PARP11: variants seen among roughly 807,000 people sequenced by gnomAD.
The protein encoded by PARP11 is protein mono-ADP-ribosyltransferase PARP11.
A neutral mutation model predicts 42.9 loss-of-function variants in PARP11; 31 were observed. The ratio of observed to expected loss-of-function variants is 0.72; its 90% confidence interval spans 0.54 to 0.98. PARP11 has a LOEUF of 0.98. Among genes scored for constraint, PARP11 ranks in the 50% least tolerant of loss-of-function variants. The pLI, the probability that PARP11 is intolerant of heterozygous loss-of-function variation, is 0.00. For missense variants in PARP11, 365 were observed against 413.1 expected (o/e 0.88, Z 1.01); for synonymous variants, 137 against 127.3 (o/e 1.08, Z -0.51).
intron 1 of PARP11, among the ~76,000 whole-genome samples, chr12:3,830,368 C>T (rs1436538927): frequency 6.6e-6 from 1 of 152,142 alleles, no homozygotes; most frequent in African/African-American, 2.4e-5. Context: ...CAAAAGGACC[C>T]ATGCTATCAC....
chr12:3,865,890 T>C (rs1256987312), intron 1 of PARP11, among the ~76,000 whole-genome samples: 3 of 63,762 alleles, frequency 4.7e-5, no homozygotes, highest in Non-Finnish European at 8.0e-5. Context: ...TGTTATTTGC[T>C]TTTTTTTTTT....
chr12:3,858,406 T>C (rs1291314805), intron 1 of PARP11, among the ~76,000 whole-genome samples: 1 of 152,210 alleles, frequency 6.6e-6, no homozygotes, highest in Non-Finnish European at 1.5e-5. Flanking sequence ...GCAGTGTGCA[T>C]TCATACCAAA....
chr12:3,846,776 AG>A lies in PARP11; in HGVS notation c.19-16759del, dbSNP rs1171659393. Among the ~76,000 whole-genome samples, 5 of 124,120 alleles carry A rather than the reference AG, an allele frequency of 4.0e-5. No individual in the cohort carries two copies. In the South Asian group the frequency reaches 1.7e-3, roughly 42 times the overall value. The allele number at this position is 124,120 out of a possible 152,430, so 81.4% of individuals were successfully genotyped here. ...CGTCTTAAAAAAAAAAAAAAAGAAA[AG>A]AAAAAAGAAATAGAAAACTTGAATA... On this transcript the variant is annotated intron_variant, in intron 1 of 7. Coordinates refer to ENST00000228820, the MANE Select transcript of PARP11 (RefSeq NM_020367.6).
rs997840456 is a variant in PARP11, at chr12:3,811,653, A to G, written c.*470T>C. The G allele has an allele frequency of 5.2e-5, 8 of 152,986 alleles. No homozygotes were observed. The highest frequency in any genetic ancestry group is 1.9e-4 in the African/African-American group (8 of 41,482). 9.5% of individuals were successfully genotyped at this position (152,986 alleles called of 1,614,324 possible). On this transcript the variant is annotated 3_prime_UTR_variant, in exon 8 of 8. Transcript: ENST00000228820. ...TAAATCCCCCCTTCAGAAGACCAAC[A>G]AAGCAACAGATGGATTGGTGGATGA...
intron 1 of PARP11, 116 bp downstream of exon 1, chr12:3,873,096 C>G (rs2138149855): frequency 9.7e-7 from 1 of 1,032,324 alleles, no homozygotes; most frequent in Non-Finnish European, 1.5e-6. Flanking sequence ...ACTCCGGTCC[C>G]GGAACTCAAC....
intron 6 of PARP11, among the ~76,000 whole-genome samples, chr12:3,815,855 C>T (rs143457451): frequency 3.3e-5 from 5 of 152,238 alleles, no homozygotes; most frequent in East Asian, 1.9e-4. Flanking sequence ...GTAAAATATC[C>T]GTATCTCAGA....
At chr12:3,844,544 A>G (rs190256208) in intron 1 of PARP11, among the ~76,000 whole-genome samples, 4 of 152,308 alleles carry the variant, frequency 2.6e-5, no homozygotes, top group Admixed American at 2.6e-4. Context: ...TTGTTGCTGC[A>G]TTTTATTGAC....
At chr12:3,830,864 G>A (rs1364588467) in intron 1 of PARP11, among the ~76,000 whole-genome samples, 6 of 152,084 alleles carry the variant, frequency 3.9e-5, no homozygotes, top group African/African-American at 7.2e-5. Context: ...CTTAGCCGCC[G>A]TCATATACTG....
rs1388390759 is a variant in PARP11 at position 3,810,670 on chromosome 12, G to GGAAGGAAGGAAGGAAC, written c.*1452_*1453insGTTCCTTCCTTCCTTC. ...AAGAAGGAAGGAAGGAAGGAAGGAAGGAAGGAAGGAAGGAAAGAAAGAAGG... is the reference window on the plus strand; with the variant it reads ...AAGAAGGAAGGAAGGAAGGAAGGAAGGAAGGAAGGAAGGAACGAAGGAAGGAAGGAAAGAAAGAAGG... On this transcript the variant is annotated 3_prime_UTR_variant, in exon 8 of 8. Coordinates refer to ENST00000228820, the MANE Select transcript of PARP11 (RefSeq NM_020367.6). 1 of 136,220 alleles carries GGAAGGAAGGAAGGAAC rather than the reference G, an allele frequency of 7.3e-6. No homozygotes were observed. The highest frequency in any genetic ancestry group is 2.5e-4 in the East Asian group (1 of 4,080). The allele number at this position is 136,220 out of a possible 1,614,324, so 8.4% of individuals were successfully genotyped here. A position where few individuals can be genotyped will look rare whatever the true frequency, so the allele number is the denominator to read the frequency against.
Position 3,867,384 on chromosome 12 carries a change from A to C in PARP11, c.18+5828T>G, listed in dbSNP as rs574183753. Among the ~76,000 whole-genome samples, 7 of 152,348 alleles carry C rather than the reference A, an allele frequency of 4.6e-5. No individual in the cohort carries two copies. In the East Asian group the frequency reaches 9.6e-4, roughly 21 times the overall value. On this transcript the variant is annotated intron_variant, in intron 1 of 7. Transcript: ENST00000228820. ...AAGTTTGCTGGCTGTCAAGGAAAAA[A>C]GGTGCTGACAAGTTTCTGAAATGAG...
intron 1 of PARP11, among the ~76,000 whole-genome samples, chr12:3,839,212 G>A (rs1947835861): frequency 6.7e-6 from 1 of 149,816 alleles, no homozygotes; most frequent in South Asian, 2.1e-4. Flanking sequence ...AGCCCGAGCC[G>A]CCGCCTACCC....
At chr12:3,823,499 T>C (rs535528194) in intron 4 of PARP11, among the ~76,000 whole-genome samples, 41 of 150,088 alleles carry the variant, frequency 2.7e-4, no homozygotes, top group African/African-American at 9.7e-4. Flanking sequence ...GCCTGGCACA[T>C]AGTACACACT....
chr12:3,835,903 T>C (rs1321029558), intron 1 of PARP11, among the ~76,000 whole-genome samples: 1 of 151,982 alleles, frequency 6.6e-6, no homozygotes, highest in Admixed American at 6.6e-5. Context: ...AAATGTGGGA[T>C]ACCATTAAGT....
chr12:3,815,017 G>C (rs1215128649), intron 6 of PARP11: 2 of 456,494 alleles, frequency 4.4e-6, no homozygotes, highest in East Asian at 1.4e-4. Flanking sequence ...GAAAGAAGGA[G>C]AGTAGGACAG....
chr12:3,866,795 T>C lies in PARP11; in HGVS notation c.18+6417A>G, dbSNP rs534042734. Among the ~76,000 whole-genome samples, 9 of 152,344 alleles carry C rather than the reference T, an allele frequency of 5.9e-5. No individual in the cohort carries two copies. The South Asian group carries it at 1.5e-3, about 25-fold the overall frequency. ...GAGAAGCTAGTCAATTCAAATTTAA[T>C]GCCTGAGAAGAAACAAGCTATTGAC... On this transcript the variant is annotated intron_variant, in intron 1 of 7. Coordinates refer to ENST00000228820, the MANE Select transcript of PARP11 (RefSeq NM_020367.6).
At chr12:3,833,514 G>C (rs879884898) in intron 1 of PARP11, among the ~76,000 whole-genome samples, 9 of 152,180 alleles carry the variant, frequency 5.9e-5, no homozygotes, top group Admixed American at 3.3e-4. Flanking sequence ...TGAGATGGAA[G>C]GATTACTTGA....
intron 1 of PARP11, chr12:3,839,460 G>C: frequency 1.2e-6 from 2 of 1,611,844 alleles, no homozygotes; most frequent in South Asian, 1.1e-5. Context: ...TGGCGGAGCA[G>C]GTATTGCACT....
chr12:3,848,678 A>C (rs1948042920), intron 1 of PARP11, among the ~76,000 whole-genome samples: 1 of 152,194 alleles, frequency 6.6e-6, no homozygotes. Flanking sequence ...TAAAGACTTA[A>C]ATCTAAGATC....
rs529668927 is a variant in PARP11 at position 3,829,130 on chromosome 12, G to A, written c.148-100C>T. The stretch of plus-strand genomic sequence containing the variant: ...TCATAGAGACAGGGAATGGAGGGGC[G>A]AGGGAAACTTACTAATCACCTGTTC... On this transcript the variant is annotated intron_variant, in intron 2 of 7. Coordinates refer to ENST00000228820, the MANE Select transcript of PARP11 (RefSeq NM_020367.6). The A allele has an allele frequency of 1.5e-4, 195 of 1,263,342 alleles. 1 individual carries two copies. In the East Asian group the frequency reaches 4.5e-3, roughly 29 times the overall value. 78.3% of individuals were successfully genotyped at this position (1,263,342 alleles called of 1,614,324 possible). A position where few individuals can be genotyped will look rare whatever the true frequency, so the allele number is the denominator to read the frequency against.
Sources: allele counts gnomAD v4.1 joint callset (sites outside exome capture counted in the v4.1 genomes callset), GRCh38; gene constraint gnomAD v4.1.1; transcripts MANE v1.5; gene names NCBI Gene and HGNC (gene_info 2026-07-23, HGNC 2026-07-21).